The following ARHGAP26 variants were observed in gnomAD, a reference collection of about 807,000 sequenced individuals.
ARHGAP26 encodes the protein Rho GTPase activating protein 26.
ARHGAP26 carries 38 observed loss-of-function variants against 104.8 expected under a neutral mutation model. The observed-to-expected ratio is 0.36, with a 90% CI of 0.28 to 0.48. ARHGAP26 has a LOEUF of 0.48. ARHGAP26 is among the 20% of genes least tolerant of loss of function. The pLI is 0.99. For missense variants in ARHGAP26, 704 were observed against 947.9 expected, an observed-to-expected ratio of 0.74 and a Z score of 3.38; for synonymous variants, 341 against 340.0, an observed-to-expected ratio of 1.00 and a Z score of -0.03.
At chr5:142,851,542 C>CAA (rs1475855730) in intron 1 of ARHGAP26, among the ~76,000 whole-genome samples, 2 of 152,150 alleles carry the variant, frequency 1.3e-5, no homozygotes, top group East Asian at 1.9e-4. Context: ...TTTTGCCCCT[C>CAA]ATAGGCTCAT....
intron 1 of ARHGAP26, among the ~76,000 whole-genome samples, chr5:142,849,193 C>A (rs376214561): frequency 2.1e-4 from 32 of 152,302 alleles, no homozygotes; most frequent in African/African-American, 7.7e-4. Context: ...AGATTGAAAC[C>A]ATCTCAGGAT....
Position 142,894,275 on chromosome 5 carries a change from A to G in ARHGAP26, c.524A>G (p.Tyr175Cys), listed in dbSNP as rs1160776438. The change falls in exon 6 of 23, where the codon TAT (tyrosine) becomes TGT (cysteine). Residue 175 changes from tyrosine to cysteine, a missense_variant. Tyr to Cys is a radical substitution (Grantham distance 194). This residue lies in a region of ARHGAP26 where 106 missense variants were observed against 120.5 expected (regional missense o/e 0.88). Coordinates refer to ENST00000645722, the MANE Select transcript of ARHGAP26 (RefSeq NM_001135608.3). ...GTGGACCTGGTCCGGCAGCATTTCT[A>G]TGAAGTATCCCTGGAATATGTCTTC... ...SQVDLVRQHF[Y>C]EVSLEYVFKV... is the part of the protein sequence containing the mutation. 4 of 1,613,876 alleles carry G rather than the reference A, an allele frequency of 2.5e-6. No individual in the cohort carries two copies. The highest frequency in any genetic ancestry group is 3.4e-6 in the Non-Finnish European group (4 of 1,179,970).
chr5:142,844,812 A>G lies in ARHGAP26; in HGVS notation c.155-28588A>G, dbSNP rs138170028. On this transcript the variant is annotated intron_variant, in intron 1 of 22. Coordinates refer to ENST00000645722, the MANE Select transcript of ARHGAP26 (RefSeq NM_001135608.3). ...GGAGGTTGCAGTGAGCCGAGATCACACCACTGCACTACAGCTGGGACAACA... is the reference window on the plus strand; with the variant it reads ...GGAGGTTGCAGTGAGCCGAGATCACGCCACTGCACTACAGCTGGGACAACA... Among the ~76,000 whole-genome samples, 654 of 150,504 alleles carry G rather than the reference A, an allele frequency of 4.3e-3. 9 individuals are homozygous for G. The highest frequency in any genetic ancestry group is 0.015 in the African/African-American group (624 of 40,898).
At position 142,910,641 on chromosome 5, in the gene ARHGAP26, A is replaced by T. The variant is rs373561953; in HGVS notation, c.934-2558A>T. Among the ~76,000 whole-genome samples, 92 of 152,324 alleles carry T rather than the reference A, an allele frequency of 6.0e-4. 1 individual carries two copies. Among genetic ancestry groups the T allele is most frequent in the African/African-American group, 2.0e-3 (84 of 41,576 alleles). ...GTAATCCCAGCTATTTGGGAGGCTGAGGCAGGAGAATCGCTTGAGCCTGGG... is the reference window on the plus strand; with the variant it reads ...GTAATCCCAGCTATTTGGGAGGCTGTGGCAGGAGAATCGCTTGAGCCTGGG... On this transcript the variant is annotated intron_variant, in intron 9 of 22. Coordinates refer to ENST00000645722, the MANE Select transcript of ARHGAP26 (RefSeq NM_001135608.3).
intron 5 of ARHGAP26, among the ~76,000 whole-genome samples, chr5:142,886,443 A>G (rs930051167): frequency 6.6e-6 from 1 of 152,214 alleles, no homozygotes; most frequent in African/African-American, 2.4e-5. Flanking sequence ...TAAGTATTTA[A>G]TCCAGTTTTT....
intron 17 of ARHGAP26, among the ~76,000 whole-genome samples, chr5:143,107,566 C>T (rs538972665): frequency 6.6e-6 from 1 of 152,134 alleles, no homozygotes; most frequent in Admixed American, 6.5e-5. Context: ...GGCTGTGATG[C>T]CTGCACAATA....
chr5:142,906,576 G>T (rs904944502), intron 8 of ARHGAP26, among the ~76,000 whole-genome samples: 1 of 152,084 alleles, frequency 6.6e-6, no homozygotes, highest in African/African-American at 2.4e-5. Flanking sequence ...GGATTTATGG[G>T]TTCCTCTTTT....
intron 7 of ARHGAP26, 132 bp downstream of exon 7, chr5:142,902,171 G>A (rs1274039693): frequency 1.3e-5 from 9 of 672,630 alleles, no homozygotes; most frequent in Non-Finnish European, 2.0e-5. Flanking sequence ...GGTTCAGAGG[G>A]AAACTAGGGG....
At chr5:143,059,564 C>T (rs1363612853) in intron 17 of ARHGAP26, among the ~76,000 whole-genome samples, 2 of 152,198 alleles carry the variant, frequency 1.3e-5, no homozygotes, top group African/African-American at 2.4e-5. Context: ...CCCACCCTTT[C>T]CCCCTCCAGT....
intron 17 of ARHGAP26, among the ~76,000 whole-genome samples, chr5:143,071,435 TG>T (rs1788235396): frequency 6.6e-6 from 1 of 152,196 alleles, no homozygotes; most frequent in African/African-American, 2.4e-5. Flanking sequence ...TGCAGAAGAA[TG>T]AAGGTAGACC....
At chr5:143,039,227 G>A (rs1325397476) in intron 13 of ARHGAP26, among the ~76,000 whole-genome samples, 1 of 151,804 alleles carries the variant, frequency 6.6e-6, no homozygotes, top group Non-Finnish European at 1.5e-5. Context: ...TCTTTGGAGG[G>A]GACAGAGTCT....
chr5:142,996,460 T>C (rs930944481), intron 11 of ARHGAP26, among the ~76,000 whole-genome samples: 2 of 152,152 alleles, frequency 1.3e-5, no homozygotes, highest in South Asian at 2.1e-4. Context: ...GCCACTGCAC[T>C]CCAACCTGGG....
intron 20 of ARHGAP26, among the ~76,000 whole-genome samples, chr5:143,201,299 A>G (rs933287703): frequency 2.6e-5 from 4 of 152,192 alleles, no homozygotes; most frequent in Non-Finnish European, 5.9e-5. Flanking sequence ...TAATACACCC[A>G]TCTGGACTCT....
chr5:143,170,453 T>C (rs577260346), intron 20 of ARHGAP26: 2 of 152,328 alleles, frequency 1.3e-5, no homozygotes, highest in South Asian at 2.1e-4. Context: ...AGGAATCACA[T>C]TGAGCGGCTG....
chr5:143,216,173 CT>C (rs1380539947), intron 22 of ARHGAP26: 1 of 471,460 alleles, frequency 2.1e-6, no homozygotes, highest in Non-Finnish European at 4.4e-6. Context: ...CTGCCAAGTC[CT>C]TTTTTTCCCC....
chr5:143,063,097 GC>G (rs2150331462), intron 17 of ARHGAP26, among the ~76,000 whole-genome samples: 1 of 152,242 alleles, frequency 6.6e-6, no homozygotes, highest in Admixed American at 6.5e-5. Flanking sequence ...GGATTGCTTG[GC>G]CGCTGGGCCA....
chr5:142,977,513 G>A (rs1215949524), intron 11 of ARHGAP26, among the ~76,000 whole-genome samples: 4 of 152,038 alleles, frequency 2.6e-5, no homozygotes, highest in African/African-American at 7.2e-5. Context: ...TTGGTCCTGG[G>A]GCTGCCACAG....
intron 1 of ARHGAP26, among the ~76,000 whole-genome samples, chr5:142,795,056 TTA>T (rs1415838986): frequency 1.3e-4 from 20 of 152,108 alleles, no homozygotes; most frequent in African/African-American, 4.8e-4. Flanking sequence ...TTCTTTTTTT[TTA>T]AAAAAATTTA....
chr5:143,091,482 T>A (rs1791429670), intron 17 of ARHGAP26, among the ~76,000 whole-genome samples: 1 of 152,256 alleles, frequency 6.6e-6, no homozygotes. Flanking sequence ...GGTACCTTTT[T>A]ACTGAGAAAT....
Sources: gnomAD v4.1 joint callset for allele counts (sites outside exome capture counted in the v4.1 genomes callset) on GRCh38, gnomAD v4.1.1 for gene constraint, gnomAD v4.1.1 regional missense constraint, MANE v1.5 for transcripts, NCBI Gene and HGNC (gene_info 2026-07-23, HGNC 2026-07-21) for gene names.